Variants in HTR1F observed in about 807,000 individuals in gnomAD.
HTR1F encodes 5-hydroxytryptamine receptor 1F.
In HTR1F, 17 loss-of-function variants were observed where a neutral mutation model predicts 24.0. The observed-to-expected ratio is 0.71, with a 90% CI of 0.48 to 1.06. The LOEUF (loss-of-function observed/expected upper bound fraction) is 1.06. Ranked by LOEUF, HTR1F falls within the 50% of genes least tolerant of loss-of-function variation. The pLI is 0.00. For synonymous variants in HTR1F, 186 were observed against 156.8 expected, an observed-to-expected ratio of 1.19 and a Z score of -1.39; for missense variants, 391 against 427.8, an observed-to-expected ratio of 0.91 and a Z score of 0.76.
At chr3:87,978,037 T>C (rs1302597977) in intron 2 of HTR1F, among the ~76,000 whole-genome samples, 2 of 152,168 alleles carry the variant, frequency 1.3e-5, no homozygotes, top group African/African-American at 4.8e-5. Context: ...GGTCCAGCCA[T>C]TGCACACAGC....
chr3:87,843,666 C>T (rs299800), intron 2 of HTR1F, among the ~76,000 whole-genome samples: 1 of 109,768 alleles, frequency 9.1e-6, no homozygotes, highest in South Asian at 2.3e-4. Context: ...TCTCCCAGTG[C>T]TATCCCTCCC....
rs756321681 is a variant in HTR1F at position 87,993,527 on chromosome 3, A to C, written c.*1677A>C. The C allele has an allele frequency of 6.0e-6, 1 of 167,028 alleles. No individual in the cohort carries two copies. The highest frequency in any genetic ancestry group is 1.9e-4 in the East Asian group (1 of 5,206). The allele number at this position is 167,028 out of a possible 1,614,324, so 10.3% of individuals were successfully genotyped here. On this transcript the variant is annotated 3_prime_UTR_variant, in exon 3 of 3. Coordinates refer to ENST00000319595, the MANE Select transcript of HTR1F (RefSeq NM_001322209.2). ...ATCAGAAATATTTCACAAAGAATGT[A>C]TCTAGAACACATGTCAAATACACAG... is the stretch of plus-strand genomic sequence containing the variant.
chr3:87,993,133 T>C lies in HTR1F; in HGVS notation c.*1283T>C, dbSNP rs527419721. 1 of 167,030 alleles carries C rather than the reference T, an allele frequency of 6.0e-6. No homozygotes were observed. Among genetic ancestry groups the C allele is most frequent in the Admixed American group, 6.6e-5 (1 of 15,252 alleles). 10.3% of individuals were successfully genotyped at this position (167,030 alleles called of 1,614,324 possible). On this transcript the variant is annotated 3_prime_UTR_variant, in exon 3 of 3. Transcript: ENST00000319595. ...GAAGACCTATCATCAACCAAGATCG[T>C]TTGAAAAACAATATATACCTTTTTT...
chr3:87,935,237 C>T (rs1209778575), intron 2 of HTR1F, among the ~76,000 whole-genome samples: 1 of 152,056 alleles, frequency 6.6e-6, no homozygotes, highest in Non-Finnish European at 1.5e-5. Context: ...CTAACAAGGC[C>T]CCAAAAATGA....
At chr3:87,800,354 T>C (rs1703972119) in intron 1 of HTR1F, among the ~76,000 whole-genome samples, 1 of 152,158 alleles carries the variant, frequency 6.6e-6, no homozygotes, top group Non-Finnish European at 1.5e-5. Context: ...TTCTCTGACA[T>C]AGGTTTTCCT....
chr3:87,854,099 GTTCGT>G (rs1449701198), intron 2 of HTR1F, among the ~76,000 whole-genome samples: 1 of 151,574 alleles, frequency 6.6e-6, no homozygotes. Flanking sequence ...TGTTCACTTT[GTTCGT>G]TTCTTCTTAT....
In HTR1F at chr3:87,796,722, A is replaced by C. The variant is rs1185762710; in HGVS notation, c.-160+3880A>C. Among the ~76,000 whole-genome samples, 3 of 152,340 alleles carry C rather than the reference A, an allele frequency of 2.0e-5. No homozygotes were observed. The East Asian group carries it at 5.8e-4, about 29-fold the overall frequency. On this transcript the variant is annotated intron_variant, in intron 1 of 2. Transcript: ENST00000319595. Reference sequence around the variant, plus strand: ...GCTGTGTCCAATGTTGCTAAAGTACAAAATTATGTAAAGGCAAAGAATTAC... The same window carrying C: ...GCTGTGTCCAATGTTGCTAAAGTACCAAATTATGTAAAGGCAAAGAATTAC...
chr3:87,982,971 T>TG (rs1369895551), intron 2 of HTR1F, among the ~76,000 whole-genome samples: 2 of 25,918 alleles, frequency 7.7e-5, no homozygotes, highest in East Asian at 4.0e-3. Context: ...CTTCAAAGAC[T>TG]GGTGCCATGA....
chr3:87,829,250 G>A (rs1704524933), intron 2 of HTR1F, among the ~76,000 whole-genome samples: 1 of 152,198 alleles, frequency 6.6e-6, no homozygotes, highest in Non-Finnish European at 1.5e-5. Flanking sequence ...CTCTGATATT[G>A]TTGGGTGGCT....
chr3:87,835,298 A>AC (rs140032464), intron 2 of HTR1F, among the ~76,000 whole-genome samples: 17,851 of 136,658 alleles, frequency 0.13, 1,380 homozygotes, highest in African/African-American at 0.23. Context: ...ACCCAACCCC[A>AC]CCCCCAGGGC....
chr3:87,974,388 G>A (rs908870943), intron 2 of HTR1F, among the ~76,000 whole-genome samples: 10 of 152,078 alleles, frequency 6.6e-5, no homozygotes, highest in African/African-American at 2.4e-4. Flanking sequence ...GTTTTGACTG[G>A]CTCGTACTAA....
chr3:87,931,120 C>T (rs1471297132), intron 2 of HTR1F, among the ~76,000 whole-genome samples: 1 of 147,624 alleles, frequency 6.8e-6, no homozygotes, highest in African/African-American at 2.5e-5. Context: ...CATATGTATA[C>T]ATGTGCCATG....
intron 2 of HTR1F, among the ~76,000 whole-genome samples, chr3:87,929,620 A>G (rs1704212623): frequency 6.6e-6 from 1 of 151,944 alleles, no homozygotes; most frequent in Non-Finnish European, 1.5e-5. Flanking sequence ...AAATGTGTAG[A>G]CCTATTTCTG....
intron 2 of HTR1F, among the ~76,000 whole-genome samples, chr3:87,915,664 A>C (rs540148962): frequency 6.6e-6 from 1 of 152,150 alleles, no homozygotes; most frequent in Non-Finnish European, 1.5e-5. Context: ...CAAAGAAAAA[A>C]GAATGAGAAA....
rs141825528 is a variant in HTR1F at position 87,957,489 on chromosome 3, C to T, written c.-42-33219C>T. ...ATCAGAAAATCATATGAAAATGTTT[C>T]TTTCTCTTCTATTTACTCAAGGCAT... On this transcript the variant is annotated intron_variant, in intron 2 of 2. Transcript: ENST00000319595. Among the ~76,000 whole-genome samples the T allele has an allele frequency of 3.9e-3, 589 of 151,016 alleles. 7 individuals carry two copies. The highest frequency in any genetic ancestry group is 0.014 in the African/African-American group (561 of 41,386).
intron 2 of HTR1F, among the ~76,000 whole-genome samples, chr3:87,841,885 A>C (rs1298838628): frequency 7.6e-6 from 1 of 131,612 alleles, no homozygotes; most frequent in Non-Finnish European, 1.6e-5. Flanking sequence ...GGGCAACAAG[A>C]GTGAGATTCT....
chr3:87,877,874 C>T (rs1251540812), intron 2 of HTR1F, among the ~76,000 whole-genome samples: 1 of 152,180 alleles, frequency 6.6e-6, no homozygotes, highest in Non-Finnish European at 1.5e-5. Flanking sequence ...AAGCTCCTTC[C>T]CTTCCTGTCC....
chr3:87,947,905 A>G (rs1026456379), intron 2 of HTR1F, among the ~76,000 whole-genome samples: 10 of 152,108 alleles, frequency 6.6e-5, no homozygotes, highest in African/African-American at 2.4e-4. Context: ...GTCACTTTAA[A>G]TTTGTCTTAA....
At chr3:87,843,679 T>G (rs7621390) in intron 2 of HTR1F, among the ~76,000 whole-genome samples, 1 of 57,154 alleles carries the variant, frequency 1.7e-5, no homozygotes. Flanking sequence ...TCCCTCCCCC[T>G]CCCCCACCCC....
Sources: gnomAD v4.1 joint callset for allele counts (sites outside exome capture counted in the v4.1 genomes callset) on GRCh38, gnomAD v4.1.1 for gene constraint, MANE v1.5 for transcripts, NCBI Gene and HGNC (gene_info 2026-07-23, HGNC 2026-07-21) for gene names.